PKNOX2: variants seen among roughly 807,000 people sequenced by gnomAD.
The protein encoded by PKNOX2 is PBX/knotted 1 homeobox 2.
In PKNOX2, 14 loss-of-function variants were observed where a neutral mutation model predicts 53.1. The ratio of observed to expected loss-of-function variants is 0.26; its 90% CI spans 0.17 to 0.41. PKNOX2 has a LOEUF of 0.41. PKNOX2 is among the 10% of genes least tolerant of loss of function. The probability of loss-of-function intolerance (pLI) is 1.00; values close to 1 mark genes in which losing one functional copy is unlikely to be tolerated. For synonymous variants in PKNOX2, 257 were observed against 242.8 expected (o/e 1.06, Z -0.54); for missense variants, 496 against 602.8 (o/e 0.82, Z 1.85).
chr11:125,174,787 C>T (rs1304465084), intron 1 of PKNOX2, among the ~76,000 whole-genome samples: 3 of 152,230 alleles, frequency 2.0e-5, no homozygotes, highest in African/African-American at 2.4e-5. Context: ...AGAGTGGGAA[C>T]TCAAGACCGC....
chr11:125,264,817 C>A (rs144025318), intron 2 of PKNOX2, among the ~76,000 whole-genome samples: 2 of 152,076 alleles, frequency 1.3e-5, no homozygotes, highest in Non-Finnish European at 2.9e-5. Context: ...GTGGGGGACT[C>A]GAGAAGGCGG....
chr11:125,306,564 C>T (rs1476227913), intron 2 of PKNOX2, among the ~76,000 whole-genome samples: 1 of 152,218 alleles, frequency 6.6e-6, no homozygotes, highest in Non-Finnish European at 1.5e-5. Context: ...CTGCATGATC[C>T]ATGCATTAAC....
chr11:125,404,749 A>T (rs1031783273), intron 7 of PKNOX2, among the ~76,000 whole-genome samples: 3 of 152,142 alleles, frequency 2.0e-5, no homozygotes, highest in Non-Finnish European at 4.4e-5. Context: ...AGTTTCGGGG[A>T]ATTCAGAGAA....
In PKNOX2 at chr11:125,410,888, T is replaced by C. The variant is rs1565519660; in HGVS notation, c.816+12T>C. 6.2e-6 allele frequency: 10 copies of C among 1,607,514 alleles called. No individual in the cohort carries two copies. Among genetic ancestry groups the C allele is most frequent in the Non-Finnish European group, 8.5e-6 (10 of 1,174,036 alleles). On this transcript the variant is annotated intron_variant, in intron 9 of 12. Transcript: ENST00000298282. ...TCCAGAACACACAGGTGAGTGTGTG[T>C]AGGTGTGTGCACATGTGCATGGTGT...
chr11:125,368,035 A>G (rs773356630), intron 5 of PKNOX2, 50 bp downstream of exon 5: 9 of 1,578,428 alleles, frequency 5.7e-6, no homozygotes, highest in South Asian at 2.3e-5. Flanking sequence ...CTTCAGGCCC[A>G]GCTCAGCTGT....
intron 2 of PKNOX2, among the ~76,000 whole-genome samples, chr11:125,289,933 G>A (rs547282322): frequency 5.3e-5 from 8 of 152,232 alleles, no homozygotes; most frequent in Admixed American, 3.3e-4. Context: ...AGCCCTTGAG[G>A]GCTGGGTCTT....
chr11:125,396,171 C>T (rs1443947219), intron 6 of PKNOX2, among the ~76,000 whole-genome samples: 1 of 152,124 alleles, frequency 6.6e-6, no homozygotes, highest in East Asian at 1.9e-4. Context: ...CCAGGCTGGT[C>T]TCAAACTCCT....
In PKNOX2 at chr11:125,279,614, T is replaced by C. The variant is rs1430492159; in HGVS notation, c.-130+44499T>C. Among the ~76,000 whole-genome samples the C allele has an allele frequency of 3.3e-5, 5 of 152,266 alleles. No individual in the cohort carries two copies. In the East Asian group the frequency reaches 5.8e-4, roughly 18 times the overall value. On this transcript the variant is annotated intron_variant, in intron 2 of 12. Transcript: ENST00000298282. ...CATCTGGTGGGCCCTGCCAGGCTTCTTCCTATAGAGCACCTCAGAAGTGGA... is the reference window on the plus strand; with the variant it reads ...CATCTGGTGGGCCCTGCCAGGCTTCCTCCTATAGAGCACCTCAGAAGTGGA...
chr11:125,381,694 G>T (rs534261095), intron 5 of PKNOX2, among the ~76,000 whole-genome samples: 3 of 152,206 alleles, frequency 2.0e-5, no homozygotes, highest in East Asian at 1.9e-4. Context: ...GGCACCTCAT[G>T]ATCTGACTCC....
At chr11:125,173,134 T>C (rs1217195161) in intron 1 of PKNOX2, among the ~76,000 whole-genome samples, 1 of 152,152 alleles carries the variant, frequency 6.6e-6, no homozygotes, top group Non-Finnish European at 1.5e-5. Context: ...ATAATAATAC[T>C]ACCAAGCATA....
At chr11:125,379,055 C>CTT (rs35310311) in intron 5 of PKNOX2, among the ~76,000 whole-genome samples, 12 of 124,442 alleles carry the variant, frequency 9.6e-5, no homozygotes, top group Non-Finnish European at 1.3e-4. Flanking sequence ...TTTTCTTTCT[C>CTT]TTTTTTTTTT....
intron 2 of PKNOX2, among the ~76,000 whole-genome samples, chr11:125,247,448 T>C (rs1486007808): frequency 2.0e-5 from 3 of 152,154 alleles, no homozygotes; most frequent in Non-Finnish European, 4.4e-5. Flanking sequence ...GAGGCCAAAG[T>C]ATGATGTCCT....
intron 2 of PKNOX2, among the ~76,000 whole-genome samples, chr11:125,257,751 C>T (rs1378766451): frequency 1.3e-5 from 2 of 152,192 alleles, no homozygotes; most frequent in African/African-American, 2.4e-5. Flanking sequence ...GTCATTGTCA[C>T]TCTACCATTC....
At chr11:125,317,789 A>C (rs569464881) in intron 2 of PKNOX2, among the ~76,000 whole-genome samples, 1 of 152,188 alleles carries the variant, frequency 6.6e-6, no homozygotes, top group Non-Finnish European at 1.5e-5. Context: ...GCTTCAACCT[A>C]AAGTCACCAG....
At chr11:125,277,671 T>C (rs1946266727) in intron 2 of PKNOX2, 1 of 152,112 alleles carries the variant, frequency 6.6e-6, no homozygotes, top group African/African-American at 2.4e-5. Flanking sequence ...AAAAATAAAA[T>C]TAGATAGAAG....
chr11:125,331,234 C>G (rs1276344889), intron 2 of PKNOX2, among the ~76,000 whole-genome samples: 1 of 152,212 alleles, frequency 6.6e-6, no homozygotes, highest in Non-Finnish European at 1.5e-5. Context: ...GTCATGCAGC[C>G]AAAGCCAGCT....
intron 1 of PKNOX2, among the ~76,000 whole-genome samples, chr11:125,189,085 G>C (rs926188362): frequency 6.6e-6 from 1 of 151,802 alleles, no homozygotes; most frequent in African/African-American, 2.4e-5. Context: ...TGCTCTCTTC[G>C]TATTTTGGGG....
At chr11:125,311,920 C>G (rs908515493) in intron 2 of PKNOX2, among the ~76,000 whole-genome samples, 1 of 152,160 alleles carries the variant, frequency 6.6e-6, no homozygotes, top group Non-Finnish European at 1.5e-5. Flanking sequence ...TCTGAATTTG[C>G]TCTTGAACCC....
chr11:125,237,002 G>A (rs4935916), intron 2 of PKNOX2, among the ~76,000 whole-genome samples: 20,592 of 152,226 alleles, frequency 0.14, 1,473 homozygotes, highest in Non-Finnish European at 0.16. Context: ...CAGAAAGGGC[G>A]TGGTGGGGCA....
Sources: gnomAD v4.1 joint callset for allele counts (sites outside exome capture counted in the v4.1 genomes callset) on GRCh38, gnomAD v4.1.1 for gene constraint, MANE v1.5 for transcripts, NCBI Gene and HGNC (gene_info 2026-07-23, HGNC 2026-07-21) for gene names.